The following ZNRF1 variants were observed in gnomAD, a reference collection of about 807,000 sequenced individuals.
ZNRF1 encodes the protein E3 ubiquitin-protein ligase ZNRF1.
ZNRF1 carries 3 observed loss-of-function variants against 18.4 expected under a neutral mutation model. The observed-to-expected ratio is 0.16, with a 90% CI of 0.07 to 0.42. The LOEUF (loss-of-function observed/expected upper bound fraction) is 0.42. Ranked by LOEUF, ZNRF1 falls within the 10% of genes least tolerant of loss-of-function variation. The probability of loss-of-function intolerance (pLI) is 0.99; values close to 1 mark genes in which losing one functional copy is unlikely to be tolerated. For missense variants in ZNRF1, 310 were observed against 329.8 expected, an observed-to-expected ratio of 0.94 and a Z score of 0.47; for synonymous variants, 157 against 144.2, an observed-to-expected ratio of 1.09 and a Z score of -0.64.
rs776137564 is a variant in ZNRF1, at chr16:74,999,931, G to A, written c.260G>A (p.Gly87Asp). The part of the protein sequence containing the change: ...RGTGDSERAP[G>D]GGGSASDSTY... Reference sequence around the variant, plus strand: ...ACCGGCGACTCCGAGAGGGCGCCCGGCGGCGGAGGGTCTGCGTCCGACTCC... The same window carrying A: ...ACCGGCGACTCCGAGAGGGCGCCCGACGGCGGAGGGTCTGCGTCCGACTCC... Residue 87 changes from glycine (G) to aspartate (D), a missense_variant, in exon 1 of 5, where the codon GGC (glycine) becomes GAC (aspartate). Physicochemically the swap from Gly to Asp is moderately conservative, Grantham distance 94. Coordinates refer to ENST00000335325, the MANE Select transcript of ZNRF1 (RefSeq NM_032268.5). 4.5e-6 allele frequency: 7 copies of A among 1,562,772 alleles called. No individual in the cohort carries two copies. The South Asian group carries it at 8.2e-5, about 18-fold the overall frequency.
intron 1 of ZNRF1, among the ~76,000 whole-genome samples, chr16:75,015,304 A>G (rs2035051736): frequency 6.6e-6 from 1 of 152,362 alleles, no homozygotes; most frequent in African/African-American, 2.4e-5. Context: ...GTAATTAAAA[A>G]AAAGGTTTAT....
intron 2 of ZNRF1, among the ~76,000 whole-genome samples, chr16:75,098,425 A>G (rs1413212115): frequency 6.6e-6 from 1 of 151,936 alleles, no homozygotes; most frequent in Non-Finnish European, 1.5e-5. Flanking sequence ...AAACAATTGC[A>G]TTGCACTTCA....
intron 1 of ZNRF1, among the ~76,000 whole-genome samples, chr16:75,085,290 CAT>C (rs757344231): frequency 3.9e-5 from 6 of 152,182 alleles, no homozygotes; most frequent in Non-Finnish European, 5.9e-5. Context: ...TAATTAGAAT[CAT>C]GTGTGCACTT....
chr16:75,092,234 TTCA>T (rs2036148300), intron 1 of ZNRF1, among the ~76,000 whole-genome samples: 1 of 152,204 alleles, frequency 6.6e-6, no homozygotes, highest in South Asian at 2.1e-4. Context: ...CATAAAGGTC[TTCA>T]TCGTGTTCAC....
intron 1 of ZNRF1, among the ~76,000 whole-genome samples, chr16:75,061,723 TA>T (rs2035746965): frequency 6.6e-6 from 1 of 152,188 alleles, no homozygotes; most frequent in Non-Finnish European, 1.5e-5. Flanking sequence ...GAAGAAGACA[TA>T]AAAAGTATGG....
rs2034804400 is a variant in ZNRF1 at position 74,999,420 on chromosome 16, T to TG, written c.-250dup. 3 of 345,048 alleles carry TG rather than the reference T, an allele frequency of 8.7e-6. No individual in the cohort carries two copies. Among genetic ancestry groups the TG allele is most frequent in the Admixed American group, 4.8e-5 (1 of 20,858 alleles). The allele number at this position is 345,048 out of a possible 1,614,324, so 21.4% of individuals were successfully genotyped here. ...GAGCCCGCGCCGGACTGCGCCTCTT[T>TG]GGACCTTGAGGGGAAACATGCGTTT... On this transcript the variant is annotated 5_prime_UTR_variant, in exon 1 of 5. Coordinates refer to ENST00000335325, the MANE Select transcript of ZNRF1 (RefSeq NM_032268.5).
chr16:75,017,226 G>A (rs1275734244), intron 1 of ZNRF1, among the ~76,000 whole-genome samples: 1 of 152,084 alleles, frequency 6.6e-6, no homozygotes, highest in Non-Finnish European at 1.5e-5. Flanking sequence ...AATCAGCTTT[G>A]TTAACTTTCT....
At chr16:75,033,471 G>A (rs1443516082) in intron 1 of ZNRF1, among the ~76,000 whole-genome samples, 3 of 131,384 alleles carry the variant, frequency 2.3e-5, no homozygotes, top group Non-Finnish European at 4.6e-5. Context: ...ACAGCGTCTC[G>A]CTCTGTCACC....
At chr16:75,026,063 G>C (rs966708166) in intron 1 of ZNRF1, among the ~76,000 whole-genome samples, 1 of 152,164 alleles carries the variant, frequency 6.6e-6, no homozygotes, top group Non-Finnish European at 1.5e-5. Context: ...GTGTGGGATT[G>C]ATCCAATAAC....
intron 2 of ZNRF1, among the ~76,000 whole-genome samples, chr16:75,102,325 T>C (rs2036263332): frequency 6.6e-6 from 1 of 152,166 alleles, no homozygotes; most frequent in Non-Finnish European, 1.5e-5. Flanking sequence ...GGTGTGTGAC[T>C]TCCTTGGGCT....
At chr16:75,083,146 AT>A (rs1387997272) in intron 1 of ZNRF1, among the ~76,000 whole-genome samples, 1 of 152,130 alleles carries the variant, frequency 6.6e-6, no homozygotes, top group African/African-American at 2.4e-5. Flanking sequence ...AGTTCAACTC[AT>A]TTTTCACTTT....
chr16:75,058,022 T>C (rs992935446), intron 1 of ZNRF1, among the ~76,000 whole-genome samples: 2 of 152,130 alleles, frequency 1.3e-5, no homozygotes, highest in Admixed American at 6.5e-5. Context: ...TCAACAAATA[T>C]GAGGCCTGAG....
chr16:75,079,852 GC>G (rs1316015822), intron 1 of ZNRF1, among the ~76,000 whole-genome samples: 2 of 152,214 alleles, frequency 1.3e-5, no homozygotes, highest in Admixed American at 1.3e-4. Context: ...CAGGAAGGTA[GC>G]CTGTAGTGTA....
chr16:75,048,830 C>T (rs1352324437), intron 1 of ZNRF1, among the ~76,000 whole-genome samples: 1 of 152,122 alleles, frequency 6.6e-6, no homozygotes, highest in Non-Finnish European at 1.5e-5. Context: ...ATCTCGTTTC[C>T]CAGTAACCTT....
intron 1 of ZNRF1, among the ~76,000 whole-genome samples, chr16:75,022,565 C>CA (rs372197372): frequency 0.064 from 8,219 of 127,566 alleles, 689 homozygotes; most frequent in African/African-American, 0.21. Context: ...GACTCCGTCT[C>CA]AAAAAAAAAA....
intron 1 of ZNRF1, among the ~76,000 whole-genome samples, chr16:75,027,246 G>A (rs2035237480): frequency 7.9e-5 from 12 of 152,056 alleles, no homozygotes. Flanking sequence ...ACTCCAGCCT[G>A]GGCAACATAG....
At position 75,079,723 on chromosome 16, in the gene ZNRF1, A is replaced by G. The variant is rs371263809; in HGVS notation, c.425-13849A>G. Among the ~76,000 whole-genome samples, 14 of 152,212 alleles carry G rather than the reference A, an allele frequency of 9.2e-5. No homozygotes were observed. In the East Asian group the frequency reaches 1.9e-3, roughly 21 times the overall value. ...CTTCTTCCTCTTAGATGCCATTTCA[A>G]AACACAGTTGTGGCCTACTGGACTG... On this transcript the variant is annotated intron_variant, in intron 1 of 4. Transcript: ENST00000335325.
At chr16:75,036,017 AG>A (rs534953952) in intron 1 of ZNRF1, among the ~76,000 whole-genome samples, 211 of 152,244 alleles carry the variant, frequency 1.4e-3, no homozygotes, top group African/African-American at 4.9e-3. Flanking sequence ...TTATTATTTT[AG>A]GGGGACTGCT....
chr16:75,105,039 T>G (rs1367707036), intron 3 of ZNRF1, 150 bp downstream of exon 3: 4 of 615,484 alleles, frequency 6.5e-6, no homozygotes, highest in Non-Finnish European at 1.2e-5. Flanking sequence ...ATCAGACAGG[T>G]GTCCACTGTG....
Sources: gnomAD v4.1 joint callset for allele counts (sites outside exome capture counted in the v4.1 genomes callset) on GRCh38, gnomAD v4.1.1 for gene constraint, MANE v1.5 for transcripts, NCBI Gene and HGNC (gene_info 2026-07-23, HGNC 2026-07-21) for gene names.